RNF214: variants seen among roughly 807,000 people sequenced by gnomAD.
The protein encoded by RNF214 is ring finger protein 214.
A neutral mutation model predicts 75.9 loss-of-function variants in RNF214; 25 were observed. The ratio of observed to expected loss-of-function variants is 0.33; its 90% CI spans 0.24 to 0.46. RNF214 has a LOEUF of 0.46. RNF214 is among the 20% of genes least tolerant of loss of function. The pLI is 1.00. For synonymous variants in RNF214, 314 were observed against 308.8 expected, an observed-to-expected ratio of 1.02 and a Z score of -0.18; for missense variants, 725 against 857.5, an observed-to-expected ratio of 0.85 and a Z score of 1.93.
rs2034142027 is a variant in RNF214, at chr11:117,282,172, CGGT to C, written c.1616_1618del (p.Gly539del). The stretch of plus-strand genomic sequence containing the variant: ...CCATCCCACCTCCCCCAGGCTTGGG[CGGT>C]GTTAAGGCTTCTGCTGAAACTCCCC... On this transcript the variant is annotated inframe_deletion, in exon 11 of 15. Coordinates refer to ENST00000300650, the MANE Select transcript of RNF214 (RefSeq NM_207343.4). 5 of 1,613,794 alleles carry C rather than the reference CGGT, an allele frequency of 3.1e-6. No individual in the cohort carries two copies. The African/African-American group carries it at 6.7e-5, about 22-fold the overall frequency.
intron 6 of RNF214, among the ~76,000 whole-genome samples, chr11:117,259,194 T>A (rs1254355583): frequency 6.6e-6 from 1 of 152,172 alleles, no homozygotes; most frequent in East Asian, 1.9e-4. Context: ...TGACCTCAAG[T>A]GAGCTGCCTG....
At chr11:117,262,836 G>A (rs1244737419) in intron 6 of RNF214, among the ~76,000 whole-genome samples, 1 of 152,056 alleles carries the variant, frequency 6.6e-6, no homozygotes, top group East Asian at 1.9e-4. Context: ...TTGAGACAGG[G>A]TGTTGCTCTG....
chr11:117,280,629 A>AG (rs1324796587), intron 8 of RNF214, among the ~76,000 whole-genome samples: 1 of 152,148 alleles, frequency 6.6e-6, no homozygotes, highest in Non-Finnish European at 1.5e-5. Flanking sequence ...CTTTGATGGC[A>AG]TCACTGCACT....
intron 6 of RNF214, among the ~76,000 whole-genome samples, chr11:117,254,020 G>T (rs1298472785): frequency 6.6e-6 from 1 of 152,036 alleles, no homozygotes; most frequent in African/African-American, 2.4e-5. Flanking sequence ...TTGGGAGGCC[G>T]AGTGGGGCAG....
intron 8 of RNF214, among the ~76,000 whole-genome samples, chr11:117,280,956 G>T (rs1477637677): frequency 7.1e-6 from 1 of 140,734 alleles, no homozygotes; most frequent in African/African-American, 2.7e-5. Context: ...TTTTGCTTTT[G>T]CTATCTCAGA....
intron 6 of RNF214, among the ~76,000 whole-genome samples, chr11:117,257,124 C>T (rs1032390533): frequency 1.3e-5 from 2 of 152,068 alleles, no homozygotes; most frequent in Admixed American, 1.3e-4. Context: ...ATTACTTGAG[C>T]GCAGGAGTTC....
chr11:117,246,904 G>A lies in RNF214; in HGVS notation c.915G>A (p.Gln305=). The change falls in exon 6 of 15, where the codon CAG becomes CAA. Residue 305 remains glutamine (Q), a synonymous_variant. Coordinates refer to ENST00000300650, the MANE Select transcript of RNF214 (RefSeq NM_207343.4). ...AGAAGGAGTTTTTGCAGAAGGAGCA[G>A]GATCTGAAAGCTGAAATTGAGAAGC... ...KEKKEFLQKE[Q]DLKAEIEKLC... 1 of 1,611,790 alleles carries A rather than the reference G, an allele frequency of 6.2e-7. No homozygotes were observed. Among genetic ancestry groups the A allele is most frequent in the Non-Finnish European group, 8.5e-7 (1 of 1,179,240 alleles).
chr11:117,252,804 G>A (rs1469183064), intron 6 of RNF214, among the ~76,000 whole-genome samples: 1 of 152,164 alleles, frequency 6.6e-6, no homozygotes, highest in Admixed American at 6.6e-5. Context: ...ACAGGCATGA[G>A]CCGCCTCACC....
At chr11:117,262,134 A>G (rs1185109022) in intron 6 of RNF214, among the ~76,000 whole-genome samples, 14 of 148,546 alleles carry the variant, frequency 9.4e-5, no homozygotes, top group Non-Finnish European at 2.1e-4. Context: ...CAGTGGTGCA[A>G]TCTCGGCTCA....
At chr11:117,275,768 A>G (rs922194729) in intron 6 of RNF214, among the ~76,000 whole-genome samples, 1 of 152,210 alleles carries the variant, frequency 6.6e-6, no homozygotes, top group African/African-American at 2.4e-5. Context: ...CAACCAAGAC[A>G]TCCCAGGTCC....
At chr11:117,261,251 G>A (rs1208745749) in intron 6 of RNF214, among the ~76,000 whole-genome samples, 1 of 152,022 alleles carries the variant, frequency 6.6e-6, no homozygotes, top group Admixed American at 6.6e-5. Context: ...AAAATGAATG[G>A]GTACTTCATT....
intron 8 of RNF214, 127 bp downstream of exon 8, chr11:117,280,386 CTCTG>C: frequency 2.8e-6 from 2 of 710,640 alleles, no homozygotes; most frequent in South Asian, 3.4e-5. Context: ...GTAAGGCTAT[CTCTG>C]TCTGCAGTAG....
intron 4 of RNF214, among the ~76,000 whole-genome samples, chr11:117,241,827 CA>C (rs1484059207): frequency 6.6e-6 from 1 of 152,102 alleles, no homozygotes; most frequent in African/African-American, 2.4e-5. Context: ...TTCACTTAGA[CA>C]TGTTCTATTT....
intron 6 of RNF214, among the ~76,000 whole-genome samples, chr11:117,247,257 A>G (rs1892904): frequency 0.053 from 8,008 of 152,256 alleles, 339 homozygotes; most frequent in East Asian, 0.16. Flanking sequence ...TGGGACACCA[A>G]GGTGGGAAGA....
rs1565327334 is a variant in RNF214 at position 117,237,499 on chromosome 11, TA to T, written c.108-1095del. On this transcript the variant is annotated intron_variant, in intron 2 of 14. Transcript: ENST00000300650. The stretch of plus-strand genomic sequence containing the variant: ...AAGAGTGTCAGTTATAGAATTAGTT[TA>T]AAAAAAGAGGGTGGGGTCAAAGAAA... Among the ~76,000 whole-genome samples, 5 of 152,052 alleles carry T rather than the reference TA, an allele frequency of 3.3e-5. No homozygotes were observed. In the South Asian group the frequency reaches 1.0e-3, roughly 32 times the overall value.
intron 6 of RNF214, among the ~76,000 whole-genome samples, chr11:117,265,812 T>C (rs148397738): frequency 2.1e-4 from 32 of 152,330 alleles, no homozygotes; most frequent in African/African-American, 7.7e-4. Flanking sequence ...TTTTGACATA[T>C]TAATTATGCA....
intron 6 of RNF214, among the ~76,000 whole-genome samples, chr11:117,270,779 T>C (rs191717710): frequency 1.3e-5 from 2 of 152,180 alleles, no homozygotes; most frequent in Admixed American, 6.5e-5. Context: ...AGAGACAGGG[T>C]CTCACTGTGT....
chr11:117,244,784 G>A (rs2033171119), intron 5 of RNF214, among the ~76,000 whole-genome samples, 199 bp downstream of exon 5: 1 of 151,816 alleles, frequency 6.6e-6, no homozygotes, highest in African/African-American at 2.4e-5. Context: ...TCCCACCTCA[G>A]CCTCCCAAGT....
At chr11:117,264,878 A>G (rs532060976) in intron 6 of RNF214, among the ~76,000 whole-genome samples, 2 of 152,138 alleles carry the variant, frequency 1.3e-5, no homozygotes, top group Admixed American at 1.3e-4. Context: ...AGCCTGGCCA[A>G]CATGGTGAAA....
Sources: gnomAD v4.1 joint callset for allele counts (sites outside exome capture counted in the v4.1 genomes callset) on GRCh38, gnomAD v4.1.1 for gene constraint, MANE v1.5 for transcripts, NCBI Gene and HGNC (gene_info 2026-07-23, HGNC 2026-07-21) for gene names.